The following KATNIP variants were observed in gnomAD, a reference collection of about 807,000 sequenced individuals.
The protein encoded by KATNIP is katanin interacting protein.
KATNIP carries 126 observed loss-of-function variants against 174.0 expected under a neutral mutation model. The observed-to-expected ratio is 0.72, with a 90% confidence interval of 0.63 to 0.84. The LOEUF (loss-of-function observed/expected upper bound fraction) is 0.84. Ranked by LOEUF, KATNIP falls within the 40% of genes least tolerant of loss-of-function variation. The pLI, the probability that KATNIP is intolerant of heterozygous loss-of-function variation, is 0.00. For synonymous variants in KATNIP, 810 were observed against 835.7 expected (o/e 0.97, Z 0.53); for missense variants, 1,958 against 2,109.7 (o/e 0.93, Z 1.41).
At chr16:27,552,941 G>A (rs1172363610) in intron 1 of KATNIP, among the ~76,000 whole-genome samples, 2 of 152,094 alleles carry the variant, frequency 1.3e-5, no homozygotes, top group African/African-American at 2.4e-5. Flanking sequence ...TGATCCGCCC[G>A]CCTTGGCCTC....
intron 2 of KATNIP, among the ~76,000 whole-genome samples, chr16:27,613,184 G>C (rs573419615): frequency 6.6e-6 from 1 of 152,140 alleles, no homozygotes; most frequent in Non-Finnish European, 1.5e-5. Flanking sequence ...TGAGGTGGGA[G>C]GATAGTTTGA....
intron 14 of KATNIP, among the ~76,000 whole-genome samples, chr16:27,729,615 A>G (rs906261978): frequency 6.6e-6 from 1 of 152,176 alleles, no homozygotes; most frequent in African/African-American, 2.4e-5. Context: ...TTAACCACAT[A>G]TCAAAGCTGC....
intron 6 of KATNIP, among the ~76,000 whole-genome samples, chr16:27,676,742 TC>T (rs963627178): frequency 5.2e-4 from 79 of 152,152 alleles, no homozygotes; most frequent in Admixed American, 1.8e-3. Context: ...CAATCATAGC[TC>T]ACTGCAGCCT....
At chr16:27,713,605 ATG>A (rs1284320892) in intron 13 of KATNIP, among the ~76,000 whole-genome samples, 7 of 141,590 alleles carry the variant, frequency 4.9e-5, no homozygotes, top group African/African-American at 1.3e-4. Context: ...AAATATTAAT[ATG>A]TGTGTGTATG....
intron 8 of KATNIP, among the ~76,000 whole-genome samples, chr16:27,689,617 A>G (rs2078644072): frequency 6.6e-6 from 1 of 152,134 alleles, no homozygotes; most frequent in Non-Finnish European, 1.5e-5. Context: ...GCCATCAAGA[A>G]AAGTCCCAAA....
At chr16:27,617,602 T>A (rs2076078527) in intron 2 of KATNIP, among the ~76,000 whole-genome samples, 1 of 152,198 alleles carries the variant, frequency 6.6e-6, no homozygotes, top group African/African-American at 2.4e-5. Context: ...CCAGGGCCCC[T>A]TTGGCAGAAG....
At chr16:27,733,495 G>A (rs1254577952) in intron 14 of KATNIP, among the ~76,000 whole-genome samples, 2 of 149,344 alleles carry the variant, frequency 1.3e-5, no homozygotes, top group Non-Finnish European at 3.0e-5. Flanking sequence ...GAGGCAGCAT[G>A]AACAAAAGGC....
intron 2 of KATNIP, 40 bp from the exon 3 acceptor site, chr16:27,618,385 C>G (rs757058529): frequency 2.7e-6 from 4 of 1,499,440 alleles, no homozygotes; most frequent in Non-Finnish European, 3.7e-6. Context: ...CAGTGCTTCC[C>G]TGCATTCCGA....
chr16:27,634,449 G>A (rs1435602097), intron 5 of KATNIP, among the ~76,000 whole-genome samples: 1 of 152,208 alleles, frequency 6.6e-6, no homozygotes, highest in East Asian at 1.9e-4. Context: ...ACTTAGCCTG[G>A]GCCTGCCAGG....
chr16:27,666,620 G>A (rs1270917679), intron 6 of KATNIP, among the ~76,000 whole-genome samples: 1 of 152,184 alleles, frequency 6.6e-6, no homozygotes, highest in Non-Finnish European at 1.5e-5. Context: ...GTTTCACCAT[G>A]TTGACCAGGC....
intron 1 of KATNIP, among the ~76,000 whole-genome samples, chr16:27,571,920 A>G (rs1181375684): frequency 1.3e-5 from 2 of 152,262 alleles, no homozygotes; most frequent in Non-Finnish European, 2.9e-5. Flanking sequence ...ATCCCAGAGC[A>G]GCAAGCCTCA....
intron 14 of KATNIP, among the ~76,000 whole-genome samples, chr16:27,738,795 C>T (rs917328726): frequency 6.6e-6 from 1 of 152,150 alleles, no homozygotes; most frequent in Non-Finnish European, 1.5e-5. Context: ...CTGCAGCTGC[C>T]GTGAACATGG....
chr16:27,665,015 C>T (rs1450574886), intron 6 of KATNIP, among the ~76,000 whole-genome samples: 3 of 152,128 alleles, frequency 2.0e-5, no homozygotes, highest in African/African-American at 7.2e-5. Flanking sequence ...AGGCTGAAGC[C>T]AGGGGCATCT....
intron 2 of KATNIP, among the ~76,000 whole-genome samples, chr16:27,613,567 T>C (rs1474938857): frequency 6.9e-6 from 1 of 145,800 alleles, no homozygotes; most frequent in East Asian, 1.9e-4. Flanking sequence ...TCAAAATGGT[T>C]ATGTAAATTG....
chr16:27,559,340 T>C (rs1271382430), intron 1 of KATNIP, among the ~76,000 whole-genome samples: 2 of 152,212 alleles, frequency 1.3e-5, no homozygotes, highest in African/African-American at 4.8e-5. Flanking sequence ...CCAGAGGTTT[T>C]ACACTGCGCT....
rs1486784023 is a variant in KATNIP at position 27,633,113 on chromosome 16, G to A, written c.408+1951G>A. Among the ~76,000 whole-genome samples, 5 of 152,082 alleles carry A rather than the reference G, an allele frequency of 3.3e-5. No homozygotes were observed. The East Asian group carries it at 9.7e-4, about 29-fold the overall frequency. On this transcript the variant is annotated intron_variant, in intron 5 of 27. Transcript: ENST00000261588. ...GCCTCCTGGCGGTTAAGGAGGGAGG[G>A]GATATAATGAGGCATGTCTGGCCTC...
At chr16:27,741,370 C>T (rs756600307) in intron 15 of KATNIP, among the ~76,000 whole-genome samples, 9 of 151,468 alleles carry the variant, frequency 5.9e-5, no homozygotes, top group African/African-American at 1.7e-4. Context: ...CCAAGGAGGT[C>T]GAGGCTACGG....
Position 27,723,151 on chromosome 16 carries a change from C to T in KATNIP, c.1743+1456C>T, listed in dbSNP as rs118070102. Among the ~76,000 whole-genome samples, 113 of 152,252 alleles carry T rather than the reference C, an allele frequency of 7.4e-4. 1 individual carries two copies. The East Asian group carries it at 0.021, about 28-fold the overall frequency. On this transcript the variant is annotated intron_variant, in intron 14 of 27. Transcript: ENST00000261588. ...GAAAGAACACAGCCTCCTAATCGCTCCCTTCAGTCTGTCTCCAGCAGCCAC... is the reference window on the plus strand; with the variant it reads ...GAAAGAACACAGCCTCCTAATCGCTTCCTTCAGTCTGTCTCCAGCAGCCAC...
chr16:27,664,933 G>T (rs536112323), intron 6 of KATNIP, among the ~76,000 whole-genome samples: 8 of 152,236 alleles, frequency 5.3e-5, no homozygotes, highest in South Asian at 2.1e-4. Flanking sequence ...AGGCTAGAGT[G>T]GGGGGCCGCT....
Sources: allele counts gnomAD v4.1 joint callset (sites outside exome capture counted in the v4.1 genomes callset), GRCh38; gene constraint gnomAD v4.1.1; transcripts MANE v1.5; gene names NCBI Gene and HGNC (gene_info 2026-07-23, HGNC 2026-07-21).